GTF3C4: variants seen among roughly 807,000 people sequenced by gnomAD.
The protein encoded by GTF3C4 is general transcription factor IIIC subunit 4.
Under a neutral mutation model 67.5 loss-of-function variants are expected in GTF3C4, and 28 were observed. That is an observed-to-expected ratio of 0.41 (90% CI 0.31 to 0.57). GTF3C4 has a LOEUF of 0.57. Among genes scored for constraint, GTF3C4 ranks in the 20% least tolerant of loss-of-function variants. GTF3C4 has a pLI of 0.21. For synonymous variants in GTF3C4, 409 were observed against 393.0 expected, an observed-to-expected ratio of 1.04 and a Z score of -0.48; for missense variants, 831 against 1,033.2, an observed-to-expected ratio of 0.80 and a Z score of 2.68.
chr9:132,678,766 T>C lies in GTF3C4; in HGVS notation c.1147T>C (p.Tyr383His). 6.2e-7 allele frequency: 1 copy of C among 1,614,186 alleles called. No individual in the cohort carries two copies. Among genetic ancestry groups the C allele is most frequent in the Non-Finnish European group, 8.5e-7 (1 of 1,179,992 alleles). ...CAAATGTGTGCCACTTTATCATCCT[T>C]ACCAGAAGTGTAGTTGCAGCTTAGT... ...SIKCVPLYHPYQKCSCSLVVA... is the reference protein window; with the variant it reads ...SIKCVPLYHPHQKCSCSLVVA... Residue 383 changes from tyrosine to histidine, a missense_variant, in exon 2 of 5, where the codon TAC becomes CAC. By Grantham distance (83) the Tyr-to-His change is moderately conservative (BLOSUM62 2). Coordinates refer to ENST00000372146, the MANE Select transcript of GTF3C4 (RefSeq NM_012204.4). This position sits in a 1 kb window ranked among gnomAD's most constrained non-coding sequence, Gnocchi z 6.5.
In GTF3C4 at chr9:132,692,041, T is replaced by TA. The variant is rs1242862046; in HGVS notation, c.*3099dup. On this transcript the variant is annotated 3_prime_UTR_variant, in exon 5 of 5. Coordinates refer to ENST00000372146, the MANE Select transcript of GTF3C4 (RefSeq NM_012204.4). ...ATGAGCATCTTTTCTCTGCAACAGT[T>TA]AAACTGCCTCAGAGTTTGTGAATTG... 1 of 152,252 alleles carries TA rather than the reference T, an allele frequency of 6.6e-6. No individual in the cohort carries two copies. The highest frequency in any genetic ancestry group is 2.4e-5 in the African/African-American group (1 of 41,460). 9.4% of individuals were successfully genotyped at this position (152,252 alleles called of 1,614,324 possible). A position where few individuals can be genotyped will look rare whatever the true frequency, so the allele number is the denominator to read the frequency against.
chr9:132,670,493 G>A lies in GTF3C4; in HGVS notation c.-106G>A. The A allele has an allele frequency of 9.4e-6, 10 of 1,058,628 alleles. No individual in the cohort carries two copies. Among genetic ancestry groups the A allele is most frequent in the Non-Finnish European group, 1.3e-5 (10 of 786,582 alleles). 65.6% of individuals were successfully genotyped at this position (1,058,628 alleles called of 1,614,324 possible). Reference sequence around the variant, plus strand: ...GCTCGGCGGCGCTCGGGGCCTGAGGGGAGAAAACCGCCGCGGAGGGCGCTG... The same window carrying A: ...GCTCGGCGGCGCTCGGGGCCTGAGGAGAGAAAACCGCCGCGGAGGGCGCTG... On this transcript the variant is annotated 5_prime_UTR_variant, in exon 1 of 5. Coordinates refer to ENST00000372146, the MANE Select transcript of GTF3C4 (RefSeq NM_012204.4).
In GTF3C4 at chr9:132,671,767, G is replaced by A. The variant is rs377593420; in HGVS notation, c.357+812G>A. 4.6e-5 allele frequency among the ~76,000 whole-genome samples: 7 copies of A among 152,092 alleles called. 1 individual carries two copies. Among genetic ancestry groups the A allele is most frequent in the African/African-American group, 1.7e-4 (7 of 41,490 alleles). ...AGATATTTGAATACCATTCTGCTTGGTGCTGCCCCATGTTCTGGAAATAAA... is the reference window on the plus strand; with the variant it reads ...AGATATTTGAATACCATTCTGCTTGATGCTGCCCCATGTTCTGGAAATAAA... On this transcript the variant is annotated intron_variant, in intron 1 of 4. Coordinates refer to ENST00000372146, the MANE Select transcript of GTF3C4 (RefSeq NM_012204.4).
chr9:132,671,258 T>C lies in GTF3C4; in HGVS notation c.357+303T>C, dbSNP rs555078573. On this transcript the variant is annotated intron_variant, in intron 1 of 4. Coordinates refer to ENST00000372146, the MANE Select transcript of GTF3C4 (RefSeq NM_012204.4). Reference sequence around the variant, plus strand: ...TTCGCCCCTCCGTCGGGCCCGCACATGGAGCGGGTTACTCGATGGTGCTTT... The same window carrying C: ...TTCGCCCCTCCGTCGGGCCCGCACACGGAGCGGGTTACTCGATGGTGCTTT... Among the ~76,000 whole-genome samples the C allele has an allele frequency of 3.9e-5, 6 of 152,190 alleles. No individual in the cohort carries two copies. In the South Asian group the frequency reaches 1.2e-3, roughly 32 times the overall value.
At chr9:132,671,665 T>C (rs1835767075) in intron 1 of GTF3C4, among the ~76,000 whole-genome samples, 1 of 152,148 alleles carries the variant, frequency 6.6e-6, no homozygotes, top group African/African-American at 2.4e-5. Context: ...TGCTTAGAGG[T>C]GTAAAAACTT....
intron 2 of GTF3C4, among the ~76,000 whole-genome samples, chr9:132,683,306 T>G (rs528933891): frequency 2.0e-5 from 3 of 152,360 alleles, no homozygotes; most frequent in Non-Finnish European, 2.9e-5. Flanking sequence ...CCTTAGTGGT[T>G]ACAGTTTACC....
rs983358572 is a variant in GTF3C4 at position 132,678,031 on chromosome 9, G to A, written c.412G>A (p.Asp138Asn). 2 of 1,613,756 alleles carry A rather than the reference G, an allele frequency of 1.2e-6. No individual in the cohort carries two copies. The highest frequency in any genetic ancestry group is 1.7e-6 in the Non-Finnish European group (2 of 1,179,860). Residue 138 changes from aspartate (D) to asparagine (N), a missense_variant, in exon 2 of 5, where the codon GAC becomes AAC. By Grantham distance (23) the Asp-to-Asn change is conservative. Coordinates refer to ENST00000372146, the MANE Select transcript of GTF3C4 (RefSeq NM_012204.4). This position sits in a 1 kb window ranked among gnomAD's most constrained non-coding sequence, Gnocchi z 6.5. ...CAAGGAGAAATTCGCCGCCTCCAAG[G>A]ACCCCACGGTCAGTCAGACTTTCAT... The part of the protein sequence containing the change: ...ECKEKFAASK[D>N]PTVSQTFMLD...
Position 132,683,559 on chromosome 9 carries a change from C to A in GTF3C4, c.2185-4C>A. 1 of 1,609,440 alleles carries A rather than the reference C, an allele frequency of 6.2e-7. No homozygotes were observed. Among genetic ancestry groups the A allele is most frequent in the Non-Finnish European group, 8.5e-7 (1 of 1,178,850 alleles). On this transcript the variant is annotated splice_polypyrimidine_tract_variant and splice_region_variant and intron_variant, in intron 2 of 4. Coordinates refer to ENST00000372146, the MANE Select transcript of GTF3C4 (RefSeq NM_012204.4). ...AAACTTTGCTGACTACTTTGTCTTA[C>A]TAGGTGCTGATTGGACATATCTCAA... is the stretch of plus-strand genomic sequence containing the variant.
upstream of GTF3C4, chr9:132,670,331 A>G (rs1835674121): frequency 1.4e-6 from 2 of 1,453,090 alleles, no homozygotes; most frequent in African/African-American, 3.0e-5. Flanking sequence ...TAGCTCCCTA[A>G]CAGGCTCTGG....
Position 132,679,267 on chromosome 9 carries a change from G to T in GTF3C4, c.1648G>T (p.Asp550Tyr). 1 of 1,613,584 alleles carries T rather than the reference G, an allele frequency of 6.2e-7. No individual in the cohort carries two copies. Among genetic ancestry groups the T allele is most frequent in the Non-Finnish European group, 8.5e-7 (1 of 1,179,828 alleles). The stretch of plus-strand genomic sequence containing the variant: ...CCTAGTACGCTGGAAGATTTTAAAA[G>T]ATAAACATATCCCTCAATTTTTACA... ...IDLVRWKILK[D>Y]KHIPQFLQEA... The change falls in exon 2 of 5, where the codon GAT (aspartate) becomes TAT (tyrosine). Residue 550 changes from aspartate (D) to tyrosine (Y), a missense_variant. Physicochemically the swap from Asp to Tyr is radical, Grantham distance 160 (BLOSUM62 -3). Transcript: ENST00000372146. This position sits in a 1 kb window ranked among gnomAD's most constrained non-coding sequence, Gnocchi z 5.9.
rs569227768 is a variant in GTF3C4 at position 132,679,956 on chromosome 9, G to A, written c.2184+153G>A. Among the ~76,000 whole-genome samples, 5 of 152,282 alleles carry A rather than the reference G, an allele frequency of 3.3e-5. No individual in the cohort carries two copies. The highest frequency in any genetic ancestry group is 7.4e-5 in the Non-Finnish European group (5 of 68,012). On this transcript the variant is annotated intron_variant, in intron 2 of 4. Coordinates refer to ENST00000372146, the MANE Select transcript of GTF3C4 (RefSeq NM_012204.4). The surrounding 1 kb of genome is among the most constrained non-coding windows in gnomAD (Gnocchi z 5.9). ...AGGTGCAGGGTAATAAATAGGAAGC[G>A]TGGATTAATGCAGAGGATGCATTCA... is the stretch of plus-strand genomic sequence containing the variant.
rs1490529417 is a variant in GTF3C4, at chr9:132,691,179, C to T, written c.*2234C>T. ...GGCCTTTCCCTGCCCTTGTCCCTGT[C>T]TCACACCCATGGAGGTTAAGCTACA... is the stretch of plus-strand genomic sequence containing the variant. On this transcript the variant is annotated 3_prime_UTR_variant, in exon 5 of 5. Transcript: ENST00000372146. The T allele has an allele frequency of 6.6e-6, 1 of 152,220 alleles. No homozygotes were observed. Among genetic ancestry groups the T allele is most frequent in the Non-Finnish European group, 1.5e-5 (1 of 68,056 alleles). 9.4% of individuals were successfully genotyped at this position (152,220 alleles called of 1,614,324 possible).
At chr9:132,683,488 C>G in intron 2 of GTF3C4, 75 bp from the exon 3 acceptor site, 2 of 1,304,454 alleles carry the variant, frequency 1.5e-6, no homozygotes, top group Non-Finnish European at 2.1e-6. Flanking sequence ...TTAATTTTCC[C>G]TTTGTGTTTG....
At chr9:132,672,408 T>A (rs1034429903) in intron 1 of GTF3C4, among the ~76,000 whole-genome samples, 8 of 151,986 alleles carry the variant, frequency 5.3e-5, no homozygotes, top group African/African-American at 1.9e-4. Context: ...CTAAAGAAGG[T>A]AGTGTTTGGT....
intron 3 of GTF3C4, among the ~76,000 whole-genome samples, chr9:132,684,260 T>G (rs887550268): frequency 6.6e-6 from 1 of 152,228 alleles, no homozygotes. Flanking sequence ...TCTCTCCCCC[T>G]AAGTCTAGGC....
chr9:132,682,595 CTTTTTTTTTT>C (rs34962674), intron 2 of GTF3C4, among the ~76,000 whole-genome samples: 2 of 92,574 alleles, frequency 2.2e-5, no homozygotes, highest in African/African-American at 8.8e-5. Context: ...ACAGTATAAT[CTTTTTTTTTT>C]TTTTTTTTTT....
At position 132,675,870 on chromosome 9, in the gene GTF3C4, A is replaced by G. The variant is rs1172978488; in HGVS notation, c.358-2107A>G. Among the ~76,000 whole-genome samples the G allele has an allele frequency of 8.6e-5, 13 of 151,276 alleles. No homozygotes were observed. In the East Asian group the frequency reaches 2.5e-3, roughly 29 times the overall value. On this transcript the variant is annotated intron_variant, in intron 1 of 4. Coordinates refer to ENST00000372146, the MANE Select transcript of GTF3C4 (RefSeq NM_012204.4). ...TCTAGCAATTTTAGCAGAAAAGAGA[A>G]TAAGAATAGACTATTCCAGTTACCC...
At chr9:132,685,115 A>G (rs1458846329) in intron 3 of GTF3C4, among the ~76,000 whole-genome samples, 1 of 151,330 alleles carries the variant, frequency 6.6e-6, no homozygotes, top group African/African-American at 2.4e-5. Context: ...CCTGGGTTCA[A>G]GCGATTCTCC....
intron 4 of GTF3C4, among the ~76,000 whole-genome samples, chr9:132,688,020 A>G (rs1320998430): frequency 6.6e-6 from 1 of 152,262 alleles, no homozygotes; most frequent in Non-Finnish European, 1.5e-5. Flanking sequence ...AACTACATAA[A>G]TTCTTGAGCT....
Sources: gnomAD v4.1 joint callset for allele counts (sites outside exome capture counted in the v4.1 genomes callset) on GRCh38, gnomAD v4.1.1 for gene constraint, Gnocchi (gnomAD v3.1) non-coding constraint, MANE v1.5 for transcripts, NCBI Gene and HGNC (gene_info 2026-07-23, HGNC 2026-07-21) for gene names.